The following FSIP2 variants were observed in gnomAD, a reference collection of about 807,000 sequenced individuals.
The protein encoded by FSIP2 is fibrous sheath interacting protein 2.
Under a neutral mutation model 510.5 loss-of-function variants are expected in FSIP2, and 367 were observed. The ratio of observed to expected loss-of-function variants is 0.72; its 90% CI spans 0.66 to 0.78. FSIP2 has a LOEUF of 0.78. FSIP2 is among the 30% of genes least tolerant of loss of function. The probability of loss-of-function intolerance (pLI) is 0.00; values close to 1 mark genes in which losing one functional copy is unlikely to be tolerated. For missense variants in FSIP2, 7,594 were observed against 7,901.7 expected, an observed-to-expected ratio of 0.96 and a Z score of 1.48; for synonymous variants, 2,601 against 2,732.2, an observed-to-expected ratio of 0.95 and a Z score of 1.50.
At chr2:185,773,810 T>C (rs1160292819) in intron 13 of FSIP2, among the ~76,000 whole-genome samples, 1 of 152,220 alleles carries the variant, frequency 6.6e-6, no homozygotes, top group Non-Finnish European at 1.5e-5. Flanking sequence ...TTTCTTTCCA[T>C]GTATTACATA....
chr2:185,825,543 T>G (rs1295613890), intron 20 of FSIP2, among the ~76,000 whole-genome samples: 1 of 151,828 alleles, frequency 6.6e-6, no homozygotes, highest in African/African-American at 2.4e-5. Flanking sequence ...TATATCCATG[T>G]AATACTCCTG....
In FSIP2 at chr2:185,813,128, G is replaced by A. The variant is rs79255512; in HGVS notation, c.19828-417G>A. ...GGTATTCATTACTTTTGAAAATCAA[G>A]ATCAGTGAATATGTTGCCCTTTTTT... On this transcript the variant is annotated intron_variant, in intron 17 of 22. Coordinates refer to ENST00000424728, the MANE Select transcript of FSIP2 (RefSeq NM_173651.4). 4.6e-3 allele frequency among the ~76,000 whole-genome samples: 701 copies of A among 152,126 alleles called. 4 individuals are homozygous for A. The highest frequency in any genetic ancestry group is 0.016 in the African/African-American group (667 of 41,542).
At chr2:185,760,444 A>G (rs1201425994) in intron 9 of FSIP2, among the ~76,000 whole-genome samples, 7 of 148,826 alleles carry the variant, frequency 4.7e-5, no homozygotes, top group Non-Finnish European at 7.5e-5. Context: ...CTGTACATGA[A>G]AGTTCAAAGA....
intron 20 of FSIP2, among the ~76,000 whole-genome samples, chr2:185,824,832 T>C (rs767042): frequency 0.52 from 78,203 of 151,536 alleles, 20,542 homozygotes; most frequent in South Asian, 0.64. Context: ...TTTGAAGGAT[T>C]ATGCCTCTTT....
chr2:185,808,926 C>CTT lies in FSIP2; in HGVS notation c.19621_19622dup (p.Leu6541PhefsTer2). ...TAGATCCAAAAATTATTTCAGAACA[C>CTT]TTAGCAGTTATTTCTATAAAAACTC... On this transcript the variant is annotated frameshift_variant, in exon 17 of 23. Transcript: ENST00000424728. LOFTEE classifies it high-confidence loss of function. 1 of 1,607,378 alleles carries CTT rather than the reference C, an allele frequency of 6.2e-7. No individual in the cohort carries two copies. The highest frequency in any genetic ancestry group is 8.5e-7 in the Non-Finnish European group (1 of 1,178,128).
At chr2:185,746,195 A>G (rs537245993) in intron 5 of FSIP2, among the ~76,000 whole-genome samples, 13 of 152,278 alleles carry the variant, frequency 8.5e-5, no homozygotes, top group Middle Eastern at 3.4e-3. Flanking sequence ...TTGATGTACC[A>G]GAGATCCAGA....
rs146197304 is a variant in FSIP2, at chr2:185,794,849, T to C, written c.7713T>C (p.Ser2571=). Residue 2571 remains serine (S), a synonymous_variant, in exon 16 of 23, where the codon TCT becomes TCC. Transcript: ENST00000424728. ...NNKSRTEVEI[S]DHNDSLLMKP... ...AAAGTAGGACAGAAGTTGAAATATCTGACCACAATGATTCCTTACTAATGA... is the reference window on the plus strand; with the variant it reads ...AAAGTAGGACAGAAGTTGAAATATCCGACCACAATGATTCCTTACTAATGA... 1,520 of 1,532,226 alleles carry C rather than the reference T, an allele frequency of 9.9e-4. 6 individuals carry two copies. Among genetic ancestry groups the C allele is most frequent in the Admixed American group, 4.9e-3 (248 of 50,774 alleles). 94.9% of individuals were successfully genotyped at this position (1,532,226 alleles called of 1,614,324 possible). A position where few individuals can be genotyped will look rare whatever the true frequency, so the allele number is the denominator to read the frequency against.
chr2:185,761,916 T>G, intron 10 of FSIP2, 56 bp from the exon 11 acceptor site: 1 of 928,452 alleles, frequency 1.1e-6, no homozygotes, highest in East Asian at 2.7e-5. Flanking sequence ...GGCAGAATCT[T>G]TTTTGGAAGT....
chr2:185,800,504 A>G lies in FSIP2; in HGVS notation c.11198A>G (p.Glu3733Gly), dbSNP rs183814270. The G allele has an allele frequency of 6.5e-7, 1 of 1,533,396 alleles. No homozygotes were observed. The highest frequency in any genetic ancestry group is 2.4e-5 in the East Asian group (1 of 40,822). The allele number at this position is 1,533,396 out of a possible 1,614,324, so 95.0% of individuals were successfully genotyped here. Reference protein sequence around the residue: ...QRTYFYSSNNEQPNSILTNNL... With the variant: ...QRTYFYSSNNGQPNSILTNNL... ...ACATATTTCTACTCCTCGAATAATGAGCAACCTAATAGCATACTTACCAAT... is the reference window on the plus strand; with the variant it reads ...ACATATTTCTACTCCTCGAATAATGGGCAACCTAATAGCATACTTACCAAT... Residue 3733 changes from glutamate to glycine, a missense_variant, in exon 17 of 23, where the codon GAG (glutamate) becomes GGG (glycine). Physicochemically the swap from Glu to Gly is moderately conservative, Grantham distance 98. Transcript: ENST00000424728.
chr2:185,782,076 T>C (rs6719719), intron 13 of FSIP2, among the ~76,000 whole-genome samples: 4 of 152,098 alleles, frequency 2.6e-5, no homozygotes, highest in African/African-American at 9.6e-5. Context: ...GACCTCATGA[T>C]CCGCCCTCCT....
At chr2:185,813,017 T>C (rs997888306) in intron 17 of FSIP2, among the ~76,000 whole-genome samples, 1 of 152,092 alleles carries the variant, frequency 6.6e-6, no homozygotes, top group African/African-American at 2.4e-5. Context: ...CATGAAGATT[T>C]ATATTTTGAA....
At chr2:185,809,641 G>A (rs1475198623) in intron 17 of FSIP2, among the ~76,000 whole-genome samples, 1 of 152,000 alleles carries the variant, frequency 6.6e-6, no homozygotes, top group African/African-American at 2.4e-5. Flanking sequence ...ACGTTGGACT[G>A]CCAACTCTTA....
chr2:185,805,941 G>A lies in FSIP2; in HGVS notation c.16635G>A (p.Val5545=). 6.3e-7 allele frequency: 1 copy of A among 1,585,150 alleles called. No homozygotes were observed. Residue 5545 remains valine, a synonymous_variant, in exon 17 of 23, where the codon GTG becomes GTA. Coordinates refer to ENST00000424728, the MANE Select transcript of FSIP2 (RefSeq NM_173651.4). ...NVSKVTSTTT[V]KSKDTQEPNL... is the part of the protein sequence containing the mutation. ...CAAAAGTTACTTCAACTACCACTGTGAAAAGTAAAGATACTCAGGAGCCAA... is the reference window on the plus strand; with the variant it reads ...CAAAAGTTACTTCAACTACCACTGTAAAAAGTAAAGATACTCAGGAGCCAA...
intron 17 of FSIP2, among the ~76,000 whole-genome samples, chr2:185,813,096 T>G (rs1341740265): frequency 6.6e-6 from 1 of 152,042 alleles, no homozygotes; most frequent in Admixed American, 6.6e-5. Flanking sequence ...TTAAAACCAT[T>G]ATTTGGGGTA....
Position 185,797,272 on chromosome 2 carries a change from A to G in FSIP2, c.10136A>G (p.Lys3379Arg), listed in dbSNP as rs1478937259. Residue 3379 changes from lysine to arginine, a missense_variant, in exon 16 of 23, where the codon AAA (lysine) becomes AGA (arginine). Coordinates refer to ENST00000424728, the MANE Select transcript of FSIP2 (RefSeq NM_173651.4). ...TCTGGAGGGCAAAAGGATAACGAAA[A>G]AAGTTTGCTTAGAATGCAGGATAAA... ...EVSGGQKDNE[K>R]SLLRMQDKKI... 9 of 1,534,430 alleles carry G rather than the reference A, an allele frequency of 5.9e-6. No homozygotes were observed. Among genetic ancestry groups the G allele is most frequent in the Non-Finnish European group, 7.9e-6 (9 of 1,146,114 alleles).
intron 17 of FSIP2, among the ~76,000 whole-genome samples, chr2:185,811,553 G>T (rs1303823243): frequency 2.0e-5 from 3 of 151,434 alleles, no homozygotes; most frequent in African/African-American, 4.9e-5. Flanking sequence ...TTTTTTGAGA[G>T]AAATTCAAGA....
At chr2:185,747,503 G>A (rs573285017) in intron 7 of FSIP2, 80 bp downstream of exon 7, 5 of 707,966 alleles carry the variant, frequency 7.1e-6, no homozygotes, top group Non-Finnish European at 1.2e-5. Context: ...AAATCACTTT[G>A]TGAGATGACT....
chr2:185,808,890 A>C lies in FSIP2; in HGVS notation c.19584A>C (p.Lys6528Asn). The change falls in exon 17 of 23, where the codon AAA (lysine) becomes AAC (asparagine). Residue 6528 changes from lysine (K) to asparagine (N), a missense_variant. By Grantham distance (94) the Lys-to-Asn change is moderately conservative. Transcript: ENST00000424728. ...PIKIVPHVGK[K>N]PVKIDPKIIS... ...AAATAGTTCCACATGTTGGAAAAAA[A>C]CCAGTCAAAATAGATCCAAAAATTA... 6.2e-7 allele frequency: 1 copy of C among 1,607,440 alleles called. No homozygotes were observed. The highest frequency in any genetic ancestry group is 8.5e-7 in the Non-Finnish European group (1 of 1,178,140).
At chr2:185,769,276 T>C (rs1045867613) in intron 13 of FSIP2, among the ~76,000 whole-genome samples, 1 of 152,190 alleles carries the variant, frequency 6.6e-6, no homozygotes, top group African/African-American at 2.4e-5. Context: ...TTCCCTTTTC[T>C]CTGCAACCTT....
Sources: allele counts gnomAD v4.1 joint callset (sites outside exome capture counted in the v4.1 genomes callset), GRCh38; gene constraint gnomAD v4.1.1; transcripts MANE v1.5; gene names NCBI Gene and HGNC (gene_info 2026-07-23, HGNC 2026-07-21).